SYT16: variants seen among roughly 807,000 people sequenced by gnomAD.
SYT16 encodes synaptotagmin 16.
Under a neutral mutation model 61.4 loss-of-function variants are expected in SYT16, and 42 were observed. That is an observed-to-expected ratio of 0.68 (90% CI 0.53 to 0.89). The LOEUF is 0.89. Among genes scored for constraint, SYT16 ranks in the 40% least tolerant of loss-of-function variants. The pLI is 0.00. For missense variants in SYT16, 804 were observed against 807.3 expected, an observed-to-expected ratio of 1.00 and a Z score of 0.05; for synonymous variants, 314 against 302.3, an observed-to-expected ratio of 1.04 and a Z score of -0.40.
chr14:61,899,652 T>C lies in SYT16; in HGVS notation c.-324-70480T>C, dbSNP rs189297008. On this transcript the variant is annotated intron_variant, in intron 1 of 7. Transcript: ENST00000683842. ...GAAAGAATCAGATGACTGATTCTGGTGGAAATACAGATTTGACTTCAGAAT... is the reference window on the plus strand; with the variant it reads ...GAAAGAATCAGATGACTGATTCTGGCGGAAATACAGATTTGACTTCAGAAT... Among the ~76,000 whole-genome samples, 3 of 152,352 alleles carry C rather than the reference T, an allele frequency of 2.0e-5. No homozygotes were observed. In the East Asian group the frequency reaches 5.8e-4, roughly 29 times the overall value.
At chr14:61,944,952 C>G (rs769809898) in intron 1 of SYT16, among the ~76,000 whole-genome samples, 3 of 152,138 alleles carry the variant, frequency 2.0e-5, no homozygotes, top group Non-Finnish European at 4.4e-5. Context: ...GAACAGGCAA[C>G]CTACAGAACG....
chr14:61,969,464 A>T (rs2051453227), intron 1 of SYT16, among the ~76,000 whole-genome samples: 1 of 152,164 alleles, frequency 6.6e-6, no homozygotes, highest in South Asian at 2.1e-4. Context: ...GAGTTTTTTG[A>T]TACTGATGAG....
intron 3 of SYT16, among the ~76,000 whole-genome samples, chr14:62,016,516 A>T (rs1566766916): frequency 6.9e-6 from 1 of 145,716 alleles, no homozygotes; most frequent in African/African-American, 2.6e-5. Flanking sequence ...ACACGGTGTG[A>T]AACCCTGTCT....
At chr14:62,036,826 T>A (rs141396681) in intron 3 of SYT16, among the ~76,000 whole-genome samples, 21,014 of 152,134 alleles carry the variant, frequency 0.14, 1,683 homozygotes, top group Middle Eastern at 0.21. Flanking sequence ...GGAGCTACAA[T>A]TCAAGATGAG....
chr14:62,070,992 A>T (rs2056277283), intron 4 of SYT16, among the ~76,000 whole-genome samples: 1 of 152,194 alleles, frequency 6.6e-6, no homozygotes, highest in Non-Finnish European at 1.5e-5. Context: ...GGAATTAACA[A>T]AAAGACCCCT....
At chr14:61,942,290 T>A (rs1197827697) in intron 1 of SYT16, among the ~76,000 whole-genome samples, 1 of 152,232 alleles carries the variant, frequency 6.6e-6, no homozygotes, top group Non-Finnish European at 1.5e-5. Context: ...AGAACCTTCC[T>A]TGAGAATACT....
intron 7 of SYT16, among the ~76,000 whole-genome samples, chr14:62,087,061 G>C (rs928063295): frequency 1.3e-5 from 2 of 152,176 alleles, no homozygotes; most frequent in African/African-American, 4.8e-5. Context: ...GATGTCGACG[G>C]CCTTGGTTTT....
chr14:62,039,806 G>A (rs549150807), intron 3 of SYT16, among the ~76,000 whole-genome samples: 71 of 144,758 alleles, frequency 4.9e-4, no homozygotes, highest in Admixed American at 4.0e-3. Flanking sequence ...CTCAAGTGAT[G>A]GAAGCCAAAT....
At chr14:62,029,366 C>A (rs1430855256) in intron 3 of SYT16, among the ~76,000 whole-genome samples, 1 of 152,190 alleles carries the variant, frequency 6.6e-6, no homozygotes, top group Non-Finnish European at 1.5e-5. Flanking sequence ...GCATCATGTT[C>A]TTCCAATACT....
intron 3 of SYT16, among the ~76,000 whole-genome samples, chr14:62,017,068 A>G (rs1004951705): frequency 2.0e-5 from 3 of 152,230 alleles, no homozygotes; most frequent in African/African-American, 7.2e-5. Context: ...AACATGCCCA[A>G]AGAATCTTAG....
At chr14:61,984,418 T>A (rs2052216612) in intron 2 of SYT16, among the ~76,000 whole-genome samples, 1 of 152,182 alleles carries the variant, frequency 6.6e-6, no homozygotes, top group South Asian at 2.1e-4. Flanking sequence ...CAATGTGAAA[T>A]GTCATTTTCC....
intron 1 of SYT16, chr14:61,865,346 G>T: frequency 1.5e-6 from 1 of 677,772 alleles, no homozygotes; most frequent in South Asian, 1.5e-5. Context: ...GAAGCAGTCC[G>T]GAAAGGGAAA....
In SYT16 at chr14:62,111,411, A is replaced by G. The variant is rs1474496889; in HGVS notation, c.*10704A>G. The G allele has an allele frequency of 6.6e-6, 1 of 152,124 alleles. No individual in the cohort carries two copies. The highest frequency in any genetic ancestry group is 2.4e-5 in the African/African-American group (1 of 41,452). The allele number at this position is 152,124 out of a possible 1,614,324, so 9.4% of individuals were successfully genotyped here. On this transcript the variant is annotated 3_prime_UTR_variant, in exon 8 of 8. Transcript: ENST00000683842. ...CACAGCTGGATGCTGCAGATGTATTAACATTGTAAACATGTACTTTTTCTA... is the reference window on the plus strand; with the variant it reads ...CACAGCTGGATGCTGCAGATGTATTGACATTGTAAACATGTACTTTTTCTA...
chr14:61,996,332 T>G lies in SYT16; in HGVS notation c.313T>G (p.Ser105Ala). The change falls in exon 3 of 8, where the codon TCA (serine) becomes GCA (alanine). Residue 105 changes from serine to alanine, a missense_variant. Ser to Ala is a moderately conservative substitution (Grantham distance 99, BLOSUM62 1). Coordinates refer to ENST00000683842, the MANE Select transcript of SYT16 (RefSeq NM_001367656.1). ...NSDLQDSAQN[S>A]SPSLSQHAKD... ...TGATTTGCAGGACTCTGCCCAAAATTCAAGCCCAAGCCTTAGCCAACATGC... is the reference window on the plus strand; with the variant it reads ...TGATTTGCAGGACTCTGCCCAAAATGCAAGCCCAAGCCTTAGCCAACATGC... 1 of 1,613,388 alleles carries G rather than the reference T, an allele frequency of 6.2e-7. No individual in the cohort carries two copies. Among genetic ancestry groups the G allele is most frequent in the Non-Finnish European group, 8.5e-7 (1 of 1,179,500 alleles).
chr14:61,864,399 C>T (rs1359162128), intron 1 of SYT16, among the ~76,000 whole-genome samples: 4 of 152,236 alleles, frequency 2.6e-5, no homozygotes, highest in Non-Finnish European at 5.9e-5. Context: ...CTCTAGCCGG[C>T]AGTTAGTGCT....
At position 62,029,497 on chromosome 14, in the gene SYT16, G is replaced by A. The variant is rs771600645; in HGVS notation, c.523+32955G>A. Reference sequence around the variant, plus strand: ...TTGTGAAGACTCTTGATGAGTGTATGGAGATCATTTGGAACTCTAAAAATG... The same window carrying A: ...TTGTGAAGACTCTTGATGAGTGTATAGAGATCATTTGGAACTCTAAAAATG... On this transcript the variant is annotated intron_variant, in intron 3 of 7. Transcript: ENST00000683842. 1.2e-3 allele frequency among the ~76,000 whole-genome samples: 181 copies of A among 152,278 alleles called. 1 individual carries two copies. Among genetic ancestry groups the A allele is most frequent in the East Asian group, 3.9e-4 (2 of 5,182 alleles).
intron 1 of SYT16, among the ~76,000 whole-genome samples, chr14:61,853,798 G>A (rs933285059): frequency 6.6e-6 from 1 of 152,118 alleles, no homozygotes; most frequent in Non-Finnish European, 1.5e-5. Context: ...GGAGCTTCTC[G>A]GGGAAATAGT....
At chr14:62,011,877 A>ACC (rs2053470036) in intron 3 of SYT16, among the ~76,000 whole-genome samples, 1 of 103,654 alleles carries the variant, frequency 9.6e-6, no homozygotes, top group Non-Finnish European at 2.0e-5. Flanking sequence ...CTATATATAC[A>ACC]CACACACACA....
intron 3 of SYT16, among the ~76,000 whole-genome samples, chr14:62,022,362 T>A (rs1162755994): frequency 6.6e-6 from 1 of 152,184 alleles, no homozygotes; most frequent in East Asian, 1.9e-4. Flanking sequence ...TCTTCCAGCT[T>A]TGAAATTTTT....
Sources: gnomAD v4.1 joint callset for allele counts (sites outside exome capture counted in the v4.1 genomes callset) on GRCh38, gnomAD v4.1.1 for gene constraint, MANE v1.5 for transcripts, NCBI Gene and HGNC (gene_info 2026-07-23, HGNC 2026-07-21) for gene names.